The following CRYBG3 variants were observed in gnomAD, a reference collection of about 807,000 sequenced individuals.
CRYBG3 encodes the protein crystallin beta-gamma domain containing 3, also known as very large A-kinase anchor protein.
A neutral mutation model predicts 244.2 loss-of-function variants in CRYBG3; 127 were observed. The ratio of observed to expected loss-of-function variants is 0.52; its 90% CI spans 0.45 to 0.60. The LOEUF (loss-of-function observed/expected upper bound fraction) is 0.60, where lower values mean the gene tolerates loss of function less well. CRYBG3 is among the 20% of genes least tolerant of loss of function. The probability of loss-of-function intolerance (pLI) is 0.00; values close to 1 mark genes in which losing one functional copy is unlikely to be tolerated. For synonymous variants in CRYBG3, 1,132 were observed against 1,195.8 expected (o/e 0.95, Z 1.10); for missense variants, 3,325 against 3,442.5 (o/e 0.97, Z 0.85).
In CRYBG3 at chr3:97,888,446, G is replaced by A. The variant is rs13065340; in HGVS notation, c.7395G>A (p.Pro2465=). The part of the protein sequence containing the change: ...ISTAEMKSLH[P]LQMGGLKVEM... ...CAGCAGAAATGAAATCATTACATCC[G>A]CTTCAAATGGTAAGCAAATTTAAAA... Residue 2465 remains proline, a synonymous_variant, in exon 9 of 22, where the codon CCG becomes CCA. Transcript: ENST00000389622. 434,805 of 1,584,848 alleles carry A rather than the reference G, an allele frequency of 0.27. 62,176 individuals are homozygous for A. The highest frequency in any genetic ancestry group is 0.3 in the Admixed American group (17,926 of 59,736).
chr3:97,895,886 T>C, intron 11 of CRYBG3, 73 bp from the exon 12 acceptor site: 1 of 1,413,056 alleles, frequency 7.1e-7, no homozygotes, highest in Non-Finnish European at 9.8e-7. Flanking sequence ...GAGCTTTATC[T>C]TGATTGTCTC....
intron 11 of CRYBG3, among the ~76,000 whole-genome samples, chr3:97,894,039 T>A (rs2108234879): frequency 6.6e-6 from 1 of 152,292 alleles, no homozygotes. Flanking sequence ...TTTATTAGGG[T>A]CTTGAAGAAC....
Position 97,899,106 on chromosome 3 carries a change from A to AT in CRYBG3, c.7845-24dup, listed in dbSNP as rs745876986. The AT allele has an allele frequency of 8.1e-6, 13 of 1,599,730 alleles. No homozygotes were observed. In the East Asian group the frequency reaches 2.0e-4, roughly 25 times the overall value. On this transcript the variant is annotated intron_variant, in intron 13 of 21. Transcript: ENST00000389622. The stretch of plus-strand genomic sequence containing the variant: ...GCTCAATTGTATATCACTTGTTTTT[A>AT]TTTTTTTGTTTTTTCTTTTTTCCCT...
At chr3:97,910,640 C>T (rs571775632) in intron 15 of CRYBG3, among the ~76,000 whole-genome samples, 1 of 152,216 alleles carries the variant, frequency 6.6e-6, no homozygotes, top group Non-Finnish European at 1.5e-5. Context: ...GACCTGGGCC[C>T]ACTGTCTGGC....
intron 3 of CRYBG3, among the ~76,000 whole-genome samples, chr3:97,866,849 C>T (rs916264669): frequency 2.0e-5 from 3 of 152,148 alleles, no homozygotes; most frequent in African/African-American, 7.2e-5. Flanking sequence ...AAAGTCTCCT[C>T]AACAAATAAT....
In CRYBG3 at chr3:97,943,292, A is replaced by C; in HGVS notation, c.8891A>C (p.Lys2964Thr). The change falls in exon 22 of 22, where the codon AAA becomes ACA. Residue 2964 changes from lysine (K) to threonine (T), a missense_variant. Lys to Thr is a moderately conservative substitution (Grantham distance 78, BLOSUM62 -1). Around this residue, in one of 4 missense-constraint regions of CRYBG3, gnomAD observed 714 missense variants for 803.6 expected, o/e 0.89. Transcript: ENST00000389622. Reference protein sequence around the residue: ...NQPLEGEETQKWDIEIL With the variant: ...NQPLEGEETQTWDIEIL The stretch of plus-strand genomic sequence containing the variant: ...CCCCTGGAGGGAGAAGAAACACAGA[A>C]ATGGGACATTGAAATATTGTGAGAG... 1 of 1,581,432 alleles carries C rather than the reference A, an allele frequency of 6.3e-7. No individual in the cohort carries two copies. The highest frequency in any genetic ancestry group is 8.7e-7 in the Non-Finnish European group (1 of 1,151,840).
intron 17 of CRYBG3, among the ~76,000 whole-genome samples, chr3:97,927,672 G>T (rs1052850377): frequency 2.0e-5 from 3 of 151,966 alleles, no homozygotes; most frequent in Admixed American, 6.6e-5. Flanking sequence ...TTCAACAAAG[G>T]TCTAATATCC....
intron 4 of CRYBG3, 50 bp downstream of exon 4, chr3:97,878,087 C>A: frequency 2.1e-6 from 3 of 1,459,750 alleles, no homozygotes; most frequent in South Asian, 2.8e-5. Context: ...AGCTTTGGGT[C>A]ACGAAATTAT....
intron 8 of CRYBG3, among the ~76,000 whole-genome samples, 180 bp from the exon 9 acceptor site, chr3:97,888,161 A>C (rs553448807): frequency 1.3e-5 from 2 of 152,332 alleles, no homozygotes; most frequent in African/African-American, 4.8e-5. Flanking sequence ...TAATGTGTGA[A>C]TGTAAATAAC....
At position 97,880,083 on chromosome 3, in the gene CRYBG3, A is replaced by T; in HGVS notation, c.6987A>T (p.Ile2329=). The part of the protein sequence containing the change: ...TSWSFPNGVL[I]KVVRGCWILY... The stretch of plus-strand genomic sequence containing the variant: ...GGTCTTTTCCAAATGGAGTTCTAAT[A>T]AAAGTTGTAAGGGGCTGGTAAGAAG... The change falls in exon 6 of 22, where the codon ATA becomes ATT. Residue 2329 remains isoleucine (I), a synonymous_variant. Coordinates refer to ENST00000389622, the MANE Select transcript of CRYBG3 (RefSeq NM_153605.4). 6.3e-7 allele frequency: 1 copy of T among 1,576,550 alleles called. No homozygotes were observed. Among genetic ancestry groups the T allele is most frequent in the Non-Finnish European group, 8.7e-7 (1 of 1,151,398 alleles).
intron 15 of CRYBG3, among the ~76,000 whole-genome samples, chr3:97,904,627 A>G (rs1459995950): frequency 6.6e-6 from 1 of 152,022 alleles, no homozygotes; most frequent in East Asian, 1.9e-4. Flanking sequence ...TTAGTGAACA[A>G]GACAACCTGT....
intron 1 of CRYBG3, among the ~76,000 whole-genome samples, chr3:97,834,870 C>T (rs2038709515): frequency 6.6e-6 from 1 of 151,874 alleles, no homozygotes; most frequent in African/African-American, 2.4e-5. Context: ...TGTATTTTTT[C>T]TCTTTTTGAT....
At chr3:97,902,719 T>A (rs2039720164) in intron 15 of CRYBG3, among the ~76,000 whole-genome samples, 1 of 152,108 alleles carries the variant, frequency 6.6e-6, no homozygotes, top group Non-Finnish European at 1.5e-5. Flanking sequence ...CACCACCTTT[T>A]ATTGAGAAGA....
Position 97,944,097 on chromosome 3 carries a change from G to A in CRYBG3, c.*783G>A, listed in dbSNP as rs1341256266. Reference sequence around the variant, plus strand: ...TGTTGACACTTCATCCTAGATTTAAGGAGAGGCATCAATTTTTTTTTTTTT... The same window carrying A: ...TGTTGACACTTCATCCTAGATTTAAAGAGAGGCATCAATTTTTTTTTTTTT... On this transcript the variant is annotated 3_prime_UTR_variant, in exon 22 of 22. Transcript: ENST00000389622. 6.6e-6 allele frequency: 1 copy of A among 151,488 alleles called. No individual in the cohort carries two copies. The highest frequency in any genetic ancestry group is 1.5e-5 in the Non-Finnish European group (1 of 67,814). 9.4% of individuals were successfully genotyped at this position (151,488 alleles called of 1,614,324 possible).
rs1276746708 is a variant in CRYBG3, at chr3:97,944,176, C to T, written c.*862C>T. On this transcript the variant is annotated 3_prime_UTR_variant, in exon 22 of 22. Coordinates refer to ENST00000389622, the MANE Select transcript of CRYBG3 (RefSeq NM_153605.4). ...AATTAAAACACAGTAGCATTTGAACCTTGACCTTACCATCTCTTTAAGTAA... is the reference window on the plus strand; with the variant it reads ...AATTAAAACACAGTAGCATTTGAACTTTGACCTTACCATCTCTTTAAGTAA... The T allele has an allele frequency of 1.3e-5, 2 of 151,440 alleles. No individual in the cohort carries two copies. Among genetic ancestry groups the T allele is most frequent in the Non-Finnish European group, 2.9e-5 (2 of 67,818 alleles). 9.4% of individuals were successfully genotyped at this position (151,440 alleles called of 1,614,324 possible).
In CRYBG3 at chr3:97,876,492, C is replaced by G. The variant is rs1367069611; in HGVS notation, c.5298C>G (p.Tyr1766Ter). The G allele has an allele frequency of 4.1e-6, 5 of 1,231,802 alleles. No individual in the cohort carries two copies. Among genetic ancestry groups the G allele is most frequent in the Non-Finnish European group, 5.1e-6 (5 of 987,930 alleles). The allele number at this position is 1,231,802 out of a possible 1,614,324, so 76.3% of individuals were successfully genotyped here. The part of the protein sequence containing the change: ...MPLALEVVNT[Y>*]QKNAKGFTGN... ...TTGCATTAGAGGTAGTAAATACTTA[C>G]CAAAAAAATGCCAAAGGTTTTACCG... is the stretch of plus-strand genomic sequence containing the variant. The change falls in exon 4 of 22, where the codon TAC (tyrosine) becomes TAG (stop). Residue 1766 changes from tyrosine to a stop codon, truncating the protein, a stop_gained. Coordinates refer to ENST00000389622, the MANE Select transcript of CRYBG3 (RefSeq NM_153605.4). LOFTEE classifies it high-confidence loss of function.
At chr3:97,882,765 A>G (rs186197206) in intron 7 of CRYBG3, among the ~76,000 whole-genome samples, 29 of 152,342 alleles carry the variant, frequency 1.9e-4, no homozygotes, top group Admixed American at 1.6e-3. Context: ...ACAGTGGTCT[A>G]TAGCATTCAG....
rs752011026 is a variant in CRYBG3, at chr3:97,876,718, GTGATA to G, written c.5525_5529del (p.Val1842GlyfsTer12). On this transcript the variant is annotated frameshift_variant, in exon 4 of 22. Transcript: ENST00000389622. LOFTEE classifies it high-confidence loss of function. Reference sequence around the variant, plus strand: ...TGGAGCAACTGTGTCCACACCCTCTGTGATAGAAATGGAAAAAATATCCCCAGAAG... The same window carrying G: ...TGGAGCAACTGTGTCCACACCCTCTGGAAATGGAAAAAATATCCCCAGAAG... 8.0e-7 allele frequency: 1 copy of G among 1,257,830 alleles called. No individual in the cohort carries two copies. Among genetic ancestry groups the G allele is most frequent in the Non-Finnish European group, 1.0e-6 (1 of 1,004,180 alleles). The allele number at this position is 1,257,830 out of a possible 1,614,324, so 77.9% of individuals were successfully genotyped here.
chr3:97,902,427 T>C (rs1443313094), intron 15 of CRYBG3, among the ~76,000 whole-genome samples: 1 of 152,276 alleles, frequency 6.6e-6, no homozygotes, highest in African/African-American at 2.4e-5. Context: ...TTTTTTAATT[T>C]TATTTATTTT....
Sources: allele counts gnomAD v4.1 joint callset (sites outside exome capture counted in the v4.1 genomes callset), GRCh38; gene constraint gnomAD v4.1.1; regional missense constraint gnomAD v4.1.1; transcripts MANE v1.5; gene names NCBI Gene and HGNC (gene_info 2026-07-23, HGNC 2026-07-21).